The following NDE1 variants were observed in gnomAD, a reference collection of about 807,000 sequenced individuals.
NDE1 encodes nudE neurodevelopment protein 1.
A neutral mutation model predicts 43.4 loss-of-function variants in NDE1; 28 were observed. That is an observed-to-expected ratio of 0.65 (90% CI 0.48 to 0.89). The LOEUF (loss-of-function observed/expected upper bound fraction) is 0.89, where lower values mean the gene tolerates loss of function less well. Ranked by LOEUF, NDE1 falls within the 40% of genes least tolerant of loss-of-function variation. The pLI is 0.00. For synonymous variants in NDE1, 184 were observed against 172.0 expected (o/e 1.07, Z -0.55); for missense variants, 441 against 434.1 (o/e 1.02, Z -0.14).
At position 15,725,100 on chromosome 16, in the gene NDE1, A is replaced by T. The variant is rs2040685114; in HGVS notation, c.*849A>T. On this transcript the variant is annotated 3_prime_UTR_variant, in exon 9 of 9. Transcript: ENST00000396354. ...GGGCTAGTACTTGAGGTGTTCACTG[A>T]TTGAGAAAATACCCGTGAGGTATGG... The T allele has an allele frequency of 2.5e-6, 2 of 808,300 alleles. No individual in the cohort carries two copies. The highest frequency in any genetic ancestry group is 2.1e-6 in the Non-Finnish European group (1 of 482,542). 50.1% of individuals were successfully genotyped at this position (808,300 alleles called of 1,614,324 possible). A position where few individuals can be genotyped will look rare whatever the true frequency, so the allele number is the denominator to read the frequency against.
chr16:15,685,582 T>A (rs145799018), intron 4 of NDE1, among the ~76,000 whole-genome samples: 374 of 152,252 alleles, frequency 2.5e-3, no homozygotes, highest in African/African-American at 8.3e-3. Context: ...CTGTGGTAAC[T>A]TTATCCTATC....
intron 1 of NDE1, among the ~76,000 whole-genome samples, chr16:15,662,344 G>T (rs1179025488): frequency 6.8e-6 from 1 of 146,752 alleles, no homozygotes; most frequent in Non-Finnish European, 1.5e-5. Context: ...GTGCAGTGGC[G>T]TGATCTCGGC....
At chr16:15,696,945 T>C in intron 8 of NDE1, 85 bp downstream of exon 8, 1 of 1,567,312 alleles carries the variant, frequency 6.4e-7, no homozygotes, top group Non-Finnish European at 8.6e-7. Context: ...CCCACAGCCA[T>C]GTGTCTTTTT....
chr16:15,655,993 G>A (rs369812426), intron 1 of NDE1, among the ~76,000 whole-genome samples: 2 of 116,552 alleles, frequency 1.7e-5, no homozygotes, highest in African/African-American at 6.5e-5. Flanking sequence ...GTGGGGGGAG[G>A]GGGGAGGGAT....
rs537423794 is a variant in NDE1 at position 15,725,880 on chromosome 16, A to G, written c.*1629A>G. The G allele has an allele frequency of 5.3e-5, 21 of 393,098 alleles. No homozygotes were observed. The highest frequency in any genetic ancestry group is 7.2e-5 in the Non-Finnish European group (16 of 223,084). 24.4% of individuals were successfully genotyped at this position (393,098 alleles called of 1,614,324 possible). On this transcript the variant is annotated 3_prime_UTR_variant, in exon 9 of 9. Transcript: ENST00000396354. ...TTCACATTGCCCAGAGTAAGGATCA[A>G]CATACATGTAATAGGTTCTCAAAAG... is the stretch of plus-strand genomic sequence containing the variant.
At chr16:15,649,793 C>T (rs1402088262), upstream of NDE1, among the ~76,000 whole-genome samples, 1 of 152,222 alleles carries the variant, frequency 6.6e-6, no homozygotes, top group Non-Finnish European at 1.5e-5. Flanking sequence ...GAAGATTCTA[C>T]TTTTGGTGTA....
intron 1 of NDE1, among the ~76,000 whole-genome samples, chr16:15,655,179 G>C (rs916987838): frequency 6.6e-6 from 1 of 152,056 alleles, no homozygotes; most frequent in Non-Finnish European, 1.5e-5. Context: ...TACCACACCT[G>C]GCTAATTTTT....
chr16:15,706,124 C>A (rs2039439844), intron 8 of NDE1, among the ~76,000 whole-genome samples: 1 of 152,090 alleles, frequency 6.6e-6, no homozygotes, highest in African/African-American at 2.4e-5. Context: ...GATGGGACTT[C>A]CCGCAGTGCA....
At chr16:15,671,678 G>A (rs1567632113) in intron 3 of NDE1, among the ~76,000 whole-genome samples, 1 of 151,948 alleles carries the variant, frequency 6.6e-6, no homozygotes, top group Admixed American at 6.6e-5. Flanking sequence ...AATGATTATC[G>A]TTCTTTTTGT....
intron 3 of NDE1, among the ~76,000 whole-genome samples, chr16:15,673,954 T>TA (rs2037731893): frequency 6.6e-6 from 1 of 152,192 alleles, no homozygotes; most frequent in Non-Finnish European, 1.5e-5. Flanking sequence ...GGGTTTGGTC[T>TA]TGGCCCAGTC....
intron 5 of NDE1, among the ~76,000 whole-genome samples, chr16:15,689,919 A>C (rs1424852977): frequency 6.8e-6 from 1 of 147,580 alleles, no homozygotes; most frequent in African/African-American, 2.5e-5. Context: ...AGCCCGGGCA[A>C]GAGAGTGAAA....
chr16:15,707,637 G>T (rs2039527108), intron 8 of NDE1, among the ~76,000 whole-genome samples: 1 of 152,214 alleles, frequency 6.6e-6, no homozygotes, highest in African/African-American at 2.4e-5. Flanking sequence ...ACACAAATGA[G>T]GGTTGGTTTG....
At chr16:15,693,516 G>A (rs2151128925) in intron 6 of NDE1, among the ~76,000 whole-genome samples, 1 of 152,302 alleles carries the variant, frequency 6.6e-6, no homozygotes. Flanking sequence ...AAAGACTAAT[G>A]TGGCTGGGCA....
At chr16:15,649,843 G>A (rs1378543108), upstream of NDE1, among the ~76,000 whole-genome samples, 2 of 152,214 alleles carry the variant, frequency 1.3e-5, no homozygotes, top group African/African-American at 2.4e-5. Context: ...AGCTTCAGTG[G>A]GCCTGAATCT....
At chr16:15,696,931 C>T (rs1207269152) in intron 8 of NDE1, 71 bp downstream of exon 8, 2 of 1,587,572 alleles carry the variant, frequency 1.3e-6, no homozygotes, top group African/African-American at 2.7e-5. Context: ...ACACTCACCC[C>T]CAGCCCACAG....
At chr16:15,688,760 G>A (rs1400302042) in intron 5 of NDE1, among the ~76,000 whole-genome samples, 1 of 125,296 alleles carries the variant, frequency 8.0e-6, no homozygotes, top group Non-Finnish European at 1.6e-5. Context: ...GTGCAGTGGT[G>A]CTATCTCTGC....
chr16:15,694,136 G>A (rs982088391), intron 6 of NDE1, 29 bp from the exon 7 acceptor site: 12 of 1,611,086 alleles, frequency 7.4e-6, no homozygotes, highest in Non-Finnish European at 1.0e-5. Context: ...AGGTTGGTGA[G>A]TTACATGCTC....
At chr16:15,685,533 G>T (rs1248062322) in intron 4 of NDE1, among the ~76,000 whole-genome samples, 1 of 152,148 alleles carries the variant, frequency 6.6e-6, no homozygotes, top group Admixed American at 6.6e-5. Context: ...TTATAGGCAT[G>T]AACCACTGTG....
At chr16:15,689,306 A>G (rs1049250255) in intron 5 of NDE1, among the ~76,000 whole-genome samples, 5 of 152,158 alleles carry the variant, frequency 3.3e-5, no homozygotes, top group Admixed American at 2.6e-4. Flanking sequence ...CCTGGACAAC[A>G]TAGTGATACC....
Sources: gnomAD v4.1 joint callset for allele counts (sites outside exome capture counted in the v4.1 genomes callset) on GRCh38, gnomAD v4.1.1 for gene constraint, MANE v1.5 for transcripts, NCBI Gene and HGNC (gene_info 2026-07-23, HGNC 2026-07-21) for gene names.